TG: variants seen among roughly 807,000 people sequenced by gnomAD.
TG encodes thyroglobulin.
Under a neutral mutation model 324.7 loss-of-function variants are expected in TG, and 270 were observed. That is an observed-to-expected ratio of 0.83 (90% CI 0.75 to 0.92). The LOEUF (loss-of-function observed/expected upper bound fraction) is 0.92, where lower values mean the gene tolerates loss of function less well. TG is among the 40% of genes least tolerant of loss of function. TG has a pLI of 0.00. For missense variants in TG, 3,591 were observed against 3,456.4 expected (o/e 1.04, Z -0.98); for synonymous variants, 1,401 against 1,327.0 (o/e 1.06, Z -1.21).
intron 41 of TG, among the ~76,000 whole-genome samples, chr8:133,071,873 G>A (rs1302133541): frequency 6.6e-6 from 1 of 152,156 alleles, no homozygotes; most frequent in Non-Finnish European, 1.5e-5. Context: ...TAGGGTTCAT[G>A]TCTATTATAT....
intron 40 of TG, 25 bp from the exon 41 acceptor site, chr8:133,029,796 T>C (rs1309284744): frequency 1.9e-6 from 3 of 1,613,808 alleles, no homozygotes; most frequent in Middle Eastern, 1.7e-4. Flanking sequence ...TCACAAAGGA[T>C]AAAAGGCTTT....
At chr8:132,995,651 A>C (rs1220609178) in intron 35 of TG, 2 of 441,712 alleles carry the variant, frequency 4.5e-6, no homozygotes, top group East Asian at 1.6e-4. Context: ...TACTCTCTCC[A>C]TGTAGCTTTT....
chr8:133,091,449 C>G (rs1189730716), intron 41 of TG, among the ~76,000 whole-genome samples: 1 of 152,148 alleles, frequency 6.6e-6, no homozygotes, highest in African/African-American at 2.4e-5. Flanking sequence ...CCTGCTTGTC[C>G]GGGTAGCTGC....
At position 133,038,609 on chromosome 8, in the gene TG, C is replaced by T. The variant is rs200951688; in HGVS notation, c.7239+8586C>T. 425 of 1,613,974 alleles carry T rather than the reference C, an allele frequency of 2.6e-4. No homozygotes were observed. Among genetic ancestry groups the T allele is most frequent in the Non-Finnish European group, 3.0e-4 (349 of 1,179,912 alleles). On this transcript the variant is annotated intron_variant, in intron 41 of 47. Transcript: ENST00000220616. ...CATCAGGGAGATGCTTTTCTTCTTT[C>T]GATCAAAGGAGGTGTTGTCCTCACT... is the stretch of plus-strand genomic sequence containing the variant.
At chr8:132,912,860 T>C (rs1819729043) in intron 19 of TG, among the ~76,000 whole-genome samples, 187 bp from the exon 20 acceptor site, 1 of 152,242 alleles carries the variant, frequency 6.6e-6, no homozygotes, top group Admixed American at 6.5e-5. Context: ...TTCTGATTCC[T>C]GGGTGACCCT....
chr8:133,072,263 G>C (rs977101359), intron 41 of TG, among the ~76,000 whole-genome samples: 1 of 152,200 alleles, frequency 6.6e-6, no homozygotes, highest in Non-Finnish European at 1.5e-5. Context: ...TGCTGTCTTA[G>C]CTAGAATTAC....
At chr8:132,998,396 G>C (rs973898036) in intron 35 of TG, among the ~76,000 whole-genome samples, 5 of 152,208 alleles carry the variant, frequency 3.3e-5, no homozygotes, top group African/African-American at 1.2e-4. Context: ...GGGGTCAGTT[G>C]AAGCTGAAGG....
chr8:133,057,774 C>CAAAAAAAAAAAAAA (rs5895173), intron 41 of TG, among the ~76,000 whole-genome samples: 1 of 141,986 alleles, frequency 7.0e-6, no homozygotes, highest in Non-Finnish European at 1.5e-5. Context: ...AAACAAAAAA[C>CAAAAAAAAAAAAAA]AAAAAAAAAA....
At chr8:133,099,903 C>T (rs1485617947) in intron 43 of TG, among the ~76,000 whole-genome samples, 2 of 152,228 alleles carry the variant, frequency 1.3e-5, no homozygotes, top group Admixed American at 6.5e-5. Flanking sequence ...TCTCTCTCTG[C>T]ACCTGCCTTG....
chr8:132,870,409 T>C (rs751960189), intron 3 of TG, among the ~76,000 whole-genome samples: 3 of 148,050 alleles, frequency 2.0e-5, no homozygotes, highest in Non-Finnish European at 3.0e-5. Flanking sequence ...GGCCCCATAC[T>C]CTCCTGCTGT....
intron 20 of TG, among the ~76,000 whole-genome samples, chr8:132,917,047 T>TCCG (rs1563951991): frequency 2.3e-5 from 1 of 44,364 alleles, no homozygotes. Flanking sequence ...CCCTCCCTCC[T>TCCG]TCCTTCCTTC....
chr8:132,886,240 C>G (rs1815401136), intron 8 of TG, among the ~76,000 whole-genome samples: 1 of 152,056 alleles, frequency 6.6e-6, no homozygotes, highest in Non-Finnish European at 1.5e-5. Flanking sequence ...GTCATGCCAA[C>G]TGGAAAAGTC....
At chr8:132,949,107 T>C (rs564408668) in intron 27 of TG, among the ~76,000 whole-genome samples, 164 bp downstream of exon 27, 6 of 152,230 alleles carry the variant, frequency 3.9e-5, no homozygotes, top group African/African-American at 1.4e-4. Context: ...ACCCTAGCTT[T>C]TCAGCAGAAC....
chr8:133,062,961 C>T (rs1842594127), intron 41 of TG, among the ~76,000 whole-genome samples: 1 of 152,254 alleles, frequency 6.6e-6, no homozygotes, highest in Admixed American at 6.5e-5. Flanking sequence ...ATGCCTGCCT[C>T]TGTCCTGCTC....
At chr8:133,017,603 A>T in intron 37 of TG, 175 bp from the exon 38 acceptor site, 2 of 678,076 alleles carry the variant, frequency 2.9e-6, no homozygotes, top group South Asian at 1.8e-5. Context: ...TTGTTTGTTT[A>T]CATTGAAAAC....
At chr8:133,001,983 C>G (rs1833556512) in intron 35 of TG, 4 of 985,316 alleles carry the variant, frequency 4.1e-6, no homozygotes, top group African/African-American at 1.7e-5. Flanking sequence ...GGTGAGGATC[C>G]TGAAGACTTT....
In TG at chr8:132,969,032, C is replaced by T. The variant is rs572774388; in HGVS notation, c.5864-426C>T. Among the ~76,000 whole-genome samples the T allele has an allele frequency of 1.1e-4, 16 of 152,166 alleles. No homozygotes were observed. In the East Asian group the frequency reaches 2.1e-3, roughly 20 times the overall value. On this transcript the variant is annotated intron_variant, in intron 31 of 47. Transcript: ENST00000220616. ...GTCAGCTGCGGAGAGGAGAGGAGAGCATCTAGAGGCCAAATAGCTTCTTAA... is the reference window on the plus strand; with the variant it reads ...GTCAGCTGCGGAGAGGAGAGGAGAGTATCTAGAGGCCAAATAGCTTCTTAA...
intron 28 of TG, 77 bp from the exon 29 acceptor site, chr8:132,962,917 G>A: frequency 7.3e-7 from 1 of 1,369,378 alleles, no homozygotes; most frequent in Non-Finnish European, 1.0e-6. Flanking sequence ...TTCTCACATT[G>A]CTACTACCAT....
At chr8:132,999,320 A>ATT (rs1833216995) in intron 35 of TG, among the ~76,000 whole-genome samples, 9 of 151,686 alleles carry the variant, frequency 5.9e-5, no homozygotes, top group Middle Eastern at 3.2e-3. Context: ...GAATAATTAA[A>ATT]AAAAAAAACT....
Sources: gnomAD v4.1 joint callset for allele counts (sites outside exome capture counted in the v4.1 genomes callset) on GRCh38, gnomAD v4.1.1 for gene constraint, MANE v1.5 for transcripts, NCBI Gene and HGNC (gene_info 2026-07-23, HGNC 2026-07-21) for gene names.